Variants in KLB observed in about 807,000 individuals in gnomAD.
KLB encodes klotho beta.
In KLB, 44 loss-of-function variants were observed where a neutral mutation model predicts 88.4. The ratio of observed to expected loss-of-function variants is 0.50; its 90% CI spans 0.39 to 0.64. KLB has a LOEUF of 0.64. KLB is among the 30% of genes least tolerant of loss of function. The pLI, the probability that KLB is intolerant of heterozygous loss-of-function variation, is 0.00. For synonymous variants in KLB, 548 were observed against 513.4 expected (o/e 1.07, Z -0.91); for missense variants, 1,137 against 1,304.8 (o/e 0.87, Z 1.98).
At chr4:39,431,784 TTATGGAA>T (rs988883945) in intron 1 of KLB, among the ~76,000 whole-genome samples, 3 of 152,244 alleles carry the variant, frequency 2.0e-5, no homozygotes, top group African/African-American at 7.2e-5. Flanking sequence ...CTAACAGGGT[TTATGGAA>T]TATTTTCAGG....
At chr4:39,437,345 A>T (rs1359253810) in intron 2 of KLB, among the ~76,000 whole-genome samples, 1 of 152,196 alleles carries the variant, frequency 6.6e-6, no homozygotes, top group Non-Finnish European at 1.5e-5. Context: ...TTATCCACGA[A>T]TAAGAACCAA....
Position 39,435,459 on chromosome 4 carries a change from CTT to C in KLB, c.1336+740_1336+741del, listed in dbSNP as rs1334056412. Among the ~76,000 whole-genome samples the C allele has an allele frequency of 2.0e-5, 3 of 150,330 alleles. No individual in the cohort carries two copies. In the East Asian group the frequency reaches 5.8e-4, roughly 29 times the overall value. On this transcript the variant is annotated intron_variant, in intron 2 of 4. Coordinates refer to ENST00000257408, the MANE Select transcript of KLB (RefSeq NM_175737.4). ...TTACTTTTTGAAACGGAGTTTCACT[CTT>C]GTTTCCCAGGCTGGAATGCAGTGGT...
intron 1 of KLB, among the ~76,000 whole-genome samples, chr4:39,428,814 T>C (rs906377913): frequency 2.6e-5 from 4 of 152,170 alleles, no homozygotes; most frequent in Non-Finnish European, 5.9e-5. Context: ...TTCAAGCCAT[T>C]CTCCTGCCTC....
At position 39,451,424 on chromosome 4, in the gene KLB, T is replaced by C. The variant is rs542266876; in HGVS notation, c.*2738T>C. ...AACAACCTGGAGAATCACAACTATA[T>C]TTAAAGAGCCTCTGGAAAATGAGGC... is the stretch of plus-strand genomic sequence containing the variant. On this transcript the variant is annotated 3_prime_UTR_variant, in exon 5 of 5. Transcript: ENST00000257408. The C allele has an allele frequency of 6.6e-5, 10 of 152,324 alleles. No homozygotes were observed. In the South Asian group the frequency reaches 1.9e-3, roughly 28 times the overall value. The allele number at this position is 152,324 out of a possible 1,614,324, so 9.4% of individuals were successfully genotyped here.
At chr4:39,438,935 A>G (rs535101822) in intron 3 of KLB, among the ~76,000 whole-genome samples, 9 of 152,062 alleles carry the variant, frequency 5.9e-5, no homozygotes, top group African/African-American at 2.2e-4. Context: ...CTGTTAACAT[A>G]CTGTCTTCAA....
chr4:39,434,905 C>G (rs780552520), intron 2 of KLB, among the ~76,000 whole-genome samples, 185 bp downstream of exon 2: 18 of 151,824 alleles, frequency 1.2e-4, no homozygotes, highest in Non-Finnish European at 2.4e-4. Flanking sequence ...CTCCTGGGTT[C>G]AAGTGATTCT....
Position 39,448,652 on chromosome 4 carries a change from T to C in KLB, c.3101T>C (p.Ile1034Thr). Residue 1034 changes from isoleucine to threonine, a missense_variant, in exon 5 of 5, where the codon ATA (isoleucine) becomes ACA (threonine). Transcript: ENST00000257408. ...KFWKAKNLQHIPLKKGKRVVS is the reference protein window; with the variant it reads ...KFWKAKNLQHTPLKKGKRVVS ...TGGAAAGCAAAAAACTTACAACACA[T>C]ACCATTAAAGAAAGGCAAGAGAGTT... The C allele has an allele frequency of 1.9e-6, 3 of 1,612,448 alleles. No individual in the cohort carries two copies. The highest frequency in any genetic ancestry group is 2.5e-6 in the Non-Finnish European group (3 of 1,179,924).
In KLB at chr4:39,435,130, T is replaced by A. The variant is rs186572524; in HGVS notation, c.1336+410T>A. On this transcript the variant is annotated intron_variant, in intron 2 of 4. Transcript: ENST00000257408. ...CCTGGCCTTTTGTATTGTCCAATATTTTTTTTTTAAATGGAGCCACTCTGT... is the reference window on the plus strand; with the variant it reads ...CCTGGCCTTTTGTATTGTCCAATATATTTTTTTTAAATGGAGCCACTCTGT... Among the ~76,000 whole-genome samples the A allele has an allele frequency of 5.4e-5, 8 of 149,302 alleles. No individual in the cohort carries two copies. In the East Asian group the frequency reaches 1.6e-3, roughly 30 times the overall value.
At chr4:39,448,195 C>A in intron 4 of KLB, 106 bp from the exon 5 acceptor site, 5 of 783,968 alleles carry the variant, frequency 6.4e-6, no homozygotes, top group East Asian at 2.7e-5. Context: ...AAATCACTAC[C>A]TTTATTATGG....
At chr4:39,420,467 G>A (rs1279976934) in intron 1 of KLB, among the ~76,000 whole-genome samples, 1 of 152,168 alleles carries the variant, frequency 6.6e-6, no homozygotes, top group Non-Finnish European at 1.5e-5. Flanking sequence ...GGGGGAAGCT[G>A]AAGAGTGATA....
rs1743746883 is a variant in KLB, at chr4:39,446,410, C to G, written c.1684C>G (p.His562Asp). The G allele has an allele frequency of 1.9e-6, 3 of 1,614,178 alleles. No individual in the cohort carries two copies. Among genetic ancestry groups the G allele is most frequent in the Non-Finnish European group, 2.5e-6 (3 of 1,180,022 alleles). Reference protein sequence around the residue: ...VWNATGNRLLHRVEGVRLKTR... With the variant: ...VWNATGNRLLDRVEGVRLKTR... ...GAACGCCACTGGCAACAGACTGTTGCACCGAGTGGAAGGGGTGAGGCTGAA... is the reference window on the plus strand; with the variant it reads ...GAACGCCACTGGCAACAGACTGTTGGACCGAGTGGAAGGGGTGAGGCTGAA... Residue 562 changes from histidine (H) to aspartate (D), a missense_variant, in exon 4 of 5, where the codon CAC becomes GAC. By Grantham distance (81) the His-to-Asp change is moderately conservative. Transcript: ENST00000257408. This position sits in a 1 kb window ranked among gnomAD's most constrained non-coding sequence, Gnocchi z 6.4.
Position 39,448,796 on chromosome 4 carries a change from T to A in KLB, c.*110T>A. 1 of 1,033,216 alleles carries A rather than the reference T, an allele frequency of 9.7e-7. No homozygotes were observed. Among genetic ancestry groups the A allele is most frequent in the Non-Finnish European group, 1.4e-6 (1 of 711,242 alleles). 64.0% of individuals were successfully genotyped at this position (1,033,216 alleles called of 1,614,324 possible). ...AGAAAGACAATCTGAGATACAGCTG[T>A]AACCAAGGTGATGACAATTGTCTCT... On this transcript the variant is annotated 3_prime_UTR_variant, in exon 5 of 5. Coordinates refer to ENST00000257408, the MANE Select transcript of KLB (RefSeq NM_175737.4).
In KLB at chr4:39,407,579, A is replaced by G. The variant is rs1279899994; in HGVS notation, c.630A>G (p.Lys210=). 6 of 1,614,016 alleles carry G rather than the reference A, an allele frequency of 3.7e-6. No individual in the cohort carries two copies. The highest frequency in any genetic ancestry group is 1.1e-5 in the South Asian group (1 of 91,082). Residue 210 remains lysine (K), a synonymous_variant, in exon 1 of 5, where the codon AAA becomes AAG. Coordinates refer to ENST00000257408, the MANE Select transcript of KLB (RefSeq NM_175737.4). Reference sequence around the variant, plus strand: ...TACAAGAAAAATATGGGGGGTGGAAAAATGATACCATAATAGATATCTTCA... The same window carrying G: ...TACAAGAAAAATATGGGGGGTGGAAGAATGATACCATAATAGATATCTTCA... ...LALQEKYGGW[K]NDTIIDIFND...
chr4:39,418,046 T>G (rs1256501744), intron 1 of KLB, among the ~76,000 whole-genome samples: 4 of 152,212 alleles, frequency 2.6e-5, no homozygotes, highest in Admixed American at 6.5e-5. Flanking sequence ...GATATTTTAC[T>G]TTGCTTTGCT....
intron 1 of KLB, among the ~76,000 whole-genome samples, chr4:39,414,671 C>T (rs1316024692): frequency 1.3e-5 from 2 of 151,700 alleles, no homozygotes; most frequent in Non-Finnish European, 2.9e-5. Context: ...GAGTTCGAGA[C>T]CAGCCTGGCC....
chr4:39,445,800 G>T (rs1343057686), intron 3 of KLB, among the ~76,000 whole-genome samples: 4 of 151,650 alleles, frequency 2.6e-5, no homozygotes, highest in Non-Finnish European at 4.4e-5. Flanking sequence ...AGGATTACAG[G>T]CATGAGCCAC....
rs567666148 is a variant in KLB, at chr4:39,437,859, G to A, written c.1469G>A (p.Arg490Gln). ...GATTTTAACAGTAAACAGAAAGAGC[G>A]GAAACCTAAGTCTTCAGCACACTAC... ...YVDFNSKQKE[R>Q]KPKSSAHYYK... is the part of the protein sequence containing the mutation. The change falls in exon 3 of 5, where the codon CGG (arginine) becomes CAG (glutamine). Residue 490 changes from arginine (R) to glutamine (Q), a missense_variant. Arg to Gln is a conservative substitution (Grantham distance 43). This residue lies in a region of KLB where 597 missense variants were observed against 765.2 expected (regional missense o/e 0.78). Transcript: ENST00000257408. The A allele has an allele frequency of 8.7e-6, 14 of 1,614,136 alleles. No homozygotes were observed. Among genetic ancestry groups the A allele is most frequent in the South Asian group, 3.3e-5 (3 of 91,078 alleles).
chr4:39,447,477 T>C lies in KLB; in HGVS notation c.2749+2T>C. 6.4e-7 allele frequency: 1 copy of C among 1,562,766 alleles called. No individual in the cohort carries two copies. Among genetic ancestry groups the C allele is most frequent in the Non-Finnish European group, 8.7e-7 (1 of 1,153,750 alleles). On this transcript the variant is annotated splice_donor_variant, in intron 4 of 4. Coordinates refer to ENST00000257408, the MANE Select transcript of KLB (RefSeq NM_175737.4). LOFTEE classifies it high-confidence loss of function. ...AGTACCTTCAGGAGGTGCTGAAAGG[T>C]AAGGGCGGGGCCCCTTCAGACACAG...
At chr4:39,417,601 G>A (rs141530899) in intron 1 of KLB, among the ~76,000 whole-genome samples, 1 of 151,920 alleles carries the variant, frequency 6.6e-6, no homozygotes, top group South Asian at 2.1e-4. Flanking sequence ...AGCCCAAAAT[G>A]CTTTTTTAAA....
Sources: gnomAD v4.1 joint callset for allele counts (sites outside exome capture counted in the v4.1 genomes callset) on GRCh38, gnomAD v4.1.1 for gene constraint, gnomAD v4.1.1 regional missense constraint, Gnocchi (gnomAD v3.1) non-coding constraint, MANE v1.5 for transcripts, NCBI Gene and HGNC (gene_info 2026-07-23, HGNC 2026-07-21) for gene names.